MAML1: variants seen among roughly 807,000 people sequenced by gnomAD.
The protein encoded by MAML1 is mastermind like transcriptional coactivator 1, also known as mastermind-like protein 1.
In MAML1, 14 loss-of-function variants were observed where a neutral mutation model predicts 77.1. The ratio of observed to expected loss-of-function variants is 0.18; its 90% CI spans 0.12 to 0.28. The LOEUF (loss-of-function observed/expected upper bound fraction) is 0.28. MAML1 is among the 10% of genes least tolerant of loss of function. MAML1 has a pLI of 1.00. For synonymous variants in MAML1, 516 were observed against 551.9 expected, an observed-to-expected ratio of 0.93 and a Z score of 0.91; for missense variants, 1,217 against 1,327.8, an observed-to-expected ratio of 0.92 and a Z score of 1.30.
chr5:179,735,139 C>G (rs1240808831), intron 1 of MAML1, among the ~76,000 whole-genome samples: 1 of 152,092 alleles, frequency 6.6e-6, no homozygotes, highest in Non-Finnish European at 1.5e-5. Context: ...CTAACCTGCA[C>G]ATTGTACACA....
At chr5:179,757,609 TG>T (rs1324396945) in intron 1 of MAML1, among the ~76,000 whole-genome samples, 1 of 152,000 alleles carries the variant, frequency 6.6e-6, no homozygotes, top group Non-Finnish European at 1.5e-5. Context: ...TTAAAGCCAA[TG>T]GAACTCTAGA....
At position 179,766,499 on chromosome 5, in the gene MAML1, A is replaced by C. The variant is rs1236463088; in HGVS notation, c.1489A>C (p.Asn497His). The change falls in exon 2 of 5, where the codon AAC becomes CAC. Residue 497 changes from asparagine to histidine, a missense_variant. Coordinates refer to ENST00000292599, the MANE Select transcript of MAML1 (RefSeq NM_014757.5). The surrounding 1 kb of genome is among the most constrained non-coding windows in gnomAD (Gnocchi z 4.0). Reference protein sequence around the residue: ...VNLLSHQPPSNLNQNSANNQG... With the variant: ...VNLLSHQPPSHLNQNSANNQG... ...CCTGCTGAGTCACCAGCCACCGAGT[A>C]ACTTGAATCAGAACTCCGCGAATAA... 6.2e-7 allele frequency: 1 copy of C among 1,606,234 alleles called. No homozygotes were observed. Among genetic ancestry groups the C allele is most frequent in the African/African-American group, 1.3e-5 (1 of 74,622 alleles).
rs140639549 is a variant in MAML1 at position 179,774,770 on chromosome 5, G to A, written c.2944G>A (p.Gly982Arg). Residue 982 changes from glycine to arginine, a missense_variant, in exon 5 of 5, where the codon GGG becomes AGG. Coordinates refer to ENST00000292599, the MANE Select transcript of MAML1 (RefSeq NM_014757.5). ...CTATAGCGGGCAGCCAGGTGGCAGT[G>A]GGCTCTCTAGTGTGGCTGGACACAC... ...FAYSGQPGGSGLSSVAGHTDL... is the reference protein window; with the variant it reads ...FAYSGQPGGSRLSSVAGHTDL... 286 of 1,613,524 alleles carry A rather than the reference G, an allele frequency of 1.8e-4. 1 individual carries two copies. Among genetic ancestry groups the A allele is most frequent in the Non-Finnish European group, 2.3e-4 (276 of 1,180,052 alleles).
At chr5:179,773,778 C>A in intron 4 of MAML1, 117 bp from the exon 5 acceptor site, 2 of 1,503,626 alleles carry the variant, frequency 1.3e-6, no homozygotes, top group Non-Finnish European at 1.8e-6. Context: ...CCCCATGGCC[C>A]CCGGGGCCCT....
Position 179,774,723 on chromosome 5 carries a change from C to G in MAML1, c.2897C>G (p.Ala966Gly), listed in dbSNP as rs776719597. 3 of 1,611,282 alleles carry G rather than the reference C, an allele frequency of 1.9e-6. No homozygotes were observed. The highest frequency in any genetic ancestry group is 2.5e-6 in the Non-Finnish European group (3 of 1,180,026). Residue 966 changes from alanine to glycine, a missense_variant, in exon 5 of 5, where the codon GCG (alanine) becomes GGG (glycine). Around this residue, in one of 3 missense-constraint regions of MAML1, gnomAD observed 884 missense variants for 949.3 expected, o/e 0.93. Transcript: ENST00000292599. The stretch of plus-strand genomic sequence containing the variant: ...ACCCAGGCCTACCCTGTGCGGACCG[C>G]GGGCCAGGAGCTGCCTTTTGCCTAT... Reference protein sequence around the residue: ...HCTQAYPVRTAGQELPFAYSG... With the variant: ...HCTQAYPVRTGGQELPFAYSG...
intron 1 of MAML1, among the ~76,000 whole-genome samples, chr5:179,753,656 T>TATTATTATTATTATTA (rs67206463): frequency 2.1e-5 from 2 of 95,922 alleles, no homozygotes; most frequent in African/African-American, 3.7e-5. Flanking sequence ...TTATTATTAT[T>TATTATTATTATTATTA]TTTTTTTTTT....
At chr5:179,745,526 G>A (rs906330839) in intron 1 of MAML1, among the ~76,000 whole-genome samples, 1 of 150,348 alleles carries the variant, frequency 6.7e-6, no homozygotes, top group Non-Finnish European at 1.5e-5. Context: ...GACCAGCCTG[G>A]CCAACATGGA....
chr5:179,738,943 G>A (rs891986237), intron 1 of MAML1, among the ~76,000 whole-genome samples: 4 of 143,132 alleles, frequency 2.8e-5, no homozygotes, highest in African/African-American at 9.8e-5. Context: ...ACCACACCCA[G>A]CCTCATTGGC....
At chr5:179,764,026 G>T (rs1581941888) in intron 1 of MAML1, among the ~76,000 whole-genome samples, 1 of 152,230 alleles carries the variant, frequency 6.6e-6, no homozygotes, top group South Asian at 2.1e-4. Context: ...CCTGACTGCA[G>T]CACATGCAGG....
intron 1 of MAML1, among the ~76,000 whole-genome samples, chr5:179,734,719 C>T (rs1259924390): frequency 2.0e-5 from 3 of 152,210 alleles, no homozygotes; most frequent in Admixed American, 6.5e-5. Context: ...GCAGCCTCAA[C>T]CTTCCTGGCT....
rs1342387128 is a variant in MAML1 at position 179,775,332 on chromosome 5, T to C, written c.*455T>C. On this transcript the variant is annotated 3_prime_UTR_variant, in exon 5 of 5. Transcript: ENST00000292599. ...CAATTTGTAGCATAGAAAAGATTTT[T>C]AAATTTTTTTACAAAAGGTTTTTAA... 5 of 986,656 alleles carry C rather than the reference T, an allele frequency of 5.1e-6. No individual in the cohort carries two copies. The highest frequency in any genetic ancestry group is 2.3e-4 in the East Asian group (2 of 8,866). 61.1% of individuals were successfully genotyped at this position (986,656 alleles called of 1,614,324 possible).
intron 1 of MAML1, among the ~76,000 whole-genome samples, chr5:179,757,469 G>A (rs1417425759): frequency 1.3e-5 from 2 of 152,116 alleles, no homozygotes; most frequent in African/African-American, 4.8e-5. Flanking sequence ...TCGGGAGGCT[G>A]AGGCAGGAGA....
At chr5:179,745,148 G>A (rs542442988) in intron 1 of MAML1, among the ~76,000 whole-genome samples, 11 of 151,622 alleles carry the variant, frequency 7.3e-5, no homozygotes, top group Admixed American at 4.6e-4. Context: ...CTCGTGATCC[G>A]CCTGCCTCGG....
At chr5:179,748,314 T>C (rs1779420575) in intron 1 of MAML1, among the ~76,000 whole-genome samples, 1 of 152,086 alleles carries the variant, frequency 6.6e-6, no homozygotes, top group South Asian at 2.1e-4. Context: ...ACTCCTGACC[T>C]CAAGTGATCC....
intron 4 of MAML1, among the ~76,000 whole-genome samples, chr5:179,773,556 C>T (rs1233273455): frequency 6.6e-6 from 1 of 152,270 alleles, no homozygotes; most frequent in African/African-American, 2.4e-5. Flanking sequence ...ACTTTGCCTC[C>T]CAGAGGCGGA....
intron 1 of MAML1, among the ~76,000 whole-genome samples, chr5:179,747,679 G>C (rs993672557): frequency 6.6e-6 from 1 of 151,742 alleles, no homozygotes; most frequent in African/African-American, 2.4e-5. Flanking sequence ...GTGAGGTGGT[G>C]GGCACCTGTA....
chr5:179,747,916 A>G (rs1439147273), intron 1 of MAML1, among the ~76,000 whole-genome samples: 2 of 152,008 alleles, frequency 1.3e-5, no homozygotes, highest in East Asian at 1.9e-4. Context: ...TAAATATTGC[A>G]TGATTCTACT....
At chr5:179,768,370 T>C (rs1779860160) in intron 2 of MAML1, among the ~76,000 whole-genome samples, 1 of 152,236 alleles carries the variant, frequency 6.6e-6, no homozygotes, top group Non-Finnish European at 1.5e-5. Context: ...GGCAGGGGAA[T>C]CGCTTGAATT....
chr5:179,772,350 C>T (rs1247157079), intron 4 of MAML1, among the ~76,000 whole-genome samples: 6 of 152,114 alleles, frequency 3.9e-5, no homozygotes, highest in Admixed American at 3.9e-4. Context: ...CATACCTGAC[C>T]TCGTGATCTG....
Sources: allele counts gnomAD v4.1 joint callset (sites outside exome capture counted in the v4.1 genomes callset), GRCh38; gene constraint gnomAD v4.1.1; regional missense constraint gnomAD v4.1.1; non-coding constraint Gnocchi (gnomAD v3.1); transcripts MANE v1.5; gene names NCBI Gene and HGNC (gene_info 2026-07-23, HGNC 2026-07-21).